ABTB3: variants seen among roughly 807,000 people sequenced by gnomAD.
The protein encoded by ABTB3 is ankyrin repeat and BTB domain containing 3.
At chr12:107,474,584 G>A in the ABTB3 span, among the ~76,000 whole-genome samples, 1 of 152,156 alleles carries the variant, frequency 6.6e-6, no homozygotes, top group Admixed American at 6.5e-5. Flanking sequence ...GGGAAGGGGA[G>A]TAGTTGGCCA....
chr12:107,321,049 C>T, the ABTB3 span, among the ~76,000 whole-genome samples: 1 of 152,136 alleles, frequency 6.6e-6, no homozygotes, highest in Non-Finnish European at 1.5e-5. Context: ...TGCCCGTCTG[C>T]GAAAGCCGGA....
At chr12:107,589,110 G>A in the ABTB3 span, among the ~76,000 whole-genome samples, 1 of 152,216 alleles carries the variant, frequency 6.6e-6, no homozygotes, top group African/African-American at 2.4e-5. Context: ...TCATAAGGTT[G>A]TGGGAGGATT....
the ABTB3 span, among the ~76,000 whole-genome samples, chr12:107,386,392 G>A: frequency 6.6e-6 from 1 of 152,186 alleles, no homozygotes; most frequent in African/African-American, 2.4e-5. Flanking sequence ...GTCTGTAGCT[G>A]TATCCCCAGT....
At chr12:107,453,144 G>C in the ABTB3 span, among the ~76,000 whole-genome samples, 2 of 152,176 alleles carry the variant, frequency 1.3e-5, no homozygotes, top group South Asian at 4.1e-4. Flanking sequence ...GGAACCAAGG[G>C]GAGGCCAGGC....
At chr12:107,610,378 C>G in the ABTB3 span, 1 of 1,610,812 alleles carries the variant, frequency 6.2e-7, no homozygotes, top group East Asian at 2.2e-5. Flanking sequence ...AGGGTCTGAA[C>G]AGGCTCCCCA....
chr12:107,594,907 CT>C, the ABTB3 span, among the ~76,000 whole-genome samples: 3 of 151,974 alleles, frequency 2.0e-5, no homozygotes, highest in Non-Finnish European at 4.4e-5. Context: ...ACATTTGGGG[CT>C]GGATAATTCA....
chr12:107,391,420 G>A, the ABTB3 span, among the ~76,000 whole-genome samples: 10 of 152,148 alleles, frequency 6.6e-5, no homozygotes, highest in Non-Finnish European at 1.2e-4. Context: ...TGGGGAGAGA[G>A]TGGGTAAACC....
chr12:107,383,990 A>G, the ABTB3 span, among the ~76,000 whole-genome samples: 1 of 152,114 alleles, frequency 6.6e-6, no homozygotes, highest in African/African-American at 2.4e-5. Flanking sequence ...GCAGGCATCC[A>G]CCTATCCATC....
the ABTB3 span, among the ~76,000 whole-genome samples, chr12:107,574,761 T>A: frequency 6.6e-6 from 1 of 152,200 alleles, no homozygotes; most frequent in Non-Finnish European, 1.5e-5. Context: ...TCTCAGGCTG[T>A]GCCCCAGACT....
chr12:107,346,033 A>G, the ABTB3 span, among the ~76,000 whole-genome samples: 1 of 152,206 alleles, frequency 6.6e-6, no homozygotes, highest in South Asian at 2.1e-4. Flanking sequence ...GATTTGTCCA[A>G]GGTCTCTTTG....
the ABTB3 span, among the ~76,000 whole-genome samples, chr12:107,654,021 A>G: frequency 6.6e-6 from 1 of 152,206 alleles, no homozygotes; most frequent in African/African-American, 2.4e-5. Flanking sequence ...GGGGTGTCAC[A>G]TAAGTGGAAT....
chr12:107,482,293 A>G, the ABTB3 span, among the ~76,000 whole-genome samples: 1 of 152,232 alleles, frequency 6.6e-6, no homozygotes, highest in Non-Finnish European at 1.5e-5. Context: ...GGATCTACCC[A>G]TGGTTTTGAC....
At chr12:107,654,909 C>T in the ABTB3 span, among the ~76,000 whole-genome samples, 1 of 149,286 alleles carries the variant, frequency 6.7e-6, no homozygotes, top group Non-Finnish European at 1.5e-5. Flanking sequence ...TCTCAGGACA[C>T]AAGCATTTTT....
At chr12:107,657,003 G>A in the ABTB3 span, among the ~76,000 whole-genome samples, 2 of 152,060 alleles carry the variant, frequency 1.3e-5, no homozygotes, top group East Asian at 1.9e-4. Context: ...AGATCATGCC[G>A]CTGCGCTCCA....
chr12:107,439,554 T>C, the ABTB3 span, among the ~76,000 whole-genome samples: 1 of 152,014 alleles, frequency 6.6e-6, no homozygotes, highest in South Asian at 2.1e-4. Context: ...TGACCCCACC[T>C]CTCCTTCCCC....
At chr12:107,377,414 AGTGTGTGTGTGT>A in the ABTB3 span, among the ~76,000 whole-genome samples, 849 of 146,616 alleles carry the variant, frequency 5.8e-3, 18 homozygotes, top group African/African-American at 0.02. Context: ...AGAGAGCAAG[AGTGTGTGTGTGT>A]GTGTGTGTGT....
chr12:107,582,160 G>A, the ABTB3 span, among the ~76,000 whole-genome samples: 79 of 152,248 alleles, frequency 5.2e-4, 1 homozygote, highest in Non-Finnish European at 2.1e-4. Flanking sequence ...GCAGCCCCCC[G>A]AAGGCCCAGA....
the ABTB3 span, among the ~76,000 whole-genome samples, chr12:107,326,310 G>A: frequency 6.6e-6 from 1 of 152,202 alleles, no homozygotes; most frequent in Non-Finnish European, 1.5e-5. Context: ...TGGGGTTGGA[G>A]GAGGTAGGAG....
At chr12:107,645,194 T>A in the ABTB3 span, among the ~76,000 whole-genome samples, 1 of 152,150 alleles carries the variant, frequency 6.6e-6, no homozygotes, top group African/African-American at 2.4e-5. Flanking sequence ...CTCGAACTCC[T>A]GACCTCAGGT....
Sources: gnomAD v4.1 joint callset for allele counts (sites outside exome capture counted in the v4.1 genomes callset) on GRCh38, gnomAD v4.1.1 for gene constraint, MANE v1.5 for transcripts, NCBI Gene and HGNC (gene_info 2026-07-23, HGNC 2026-07-21) for gene names.